ADGRA3: variants seen among roughly 807,000 people sequenced by gnomAD.
The protein encoded by ADGRA3 is adhesion G protein-coupled receptor A3.
ADGRA3 carries 56 observed loss-of-function variants against 119.8 expected under a neutral mutation model. That is an observed-to-expected ratio of 0.47 (90% CI 0.38 to 0.58). ADGRA3 has a LOEUF of 0.58. ADGRA3 is among the 20% of genes least tolerant of loss of function. The probability of loss-of-function intolerance (pLI) is 0.00; values close to 1 mark genes in which losing one functional copy is unlikely to be tolerated. For missense variants in ADGRA3, 1,516 were observed against 1,649.0 expected (o/e 0.92, Z 1.40); for synonymous variants, 607 against 623.8 (o/e 0.97, Z 0.40).
intron 1 of ADGRA3, among the ~76,000 whole-genome samples, chr4:22,489,996 G>A (rs563724252): frequency 5.3e-5 from 8 of 152,188 alleles, no homozygotes; most frequent in African/African-American, 1.7e-4. Context: ...CTCCTGAAAC[G>A]GTTCAATAAA....
intron 1 of ADGRA3, among the ~76,000 whole-genome samples, chr4:22,511,505 A>T (rs2109189278): frequency 6.6e-6 from 1 of 152,236 alleles, no homozygotes; most frequent in East Asian, 1.9e-4. Context: ...TATGATGAAG[A>T]CCAGTTCATC....
At chr4:22,502,540 G>A (rs1186841800) in intron 1 of ADGRA3, among the ~76,000 whole-genome samples, 1 of 152,186 alleles carries the variant, frequency 6.6e-6, no homozygotes, top group Non-Finnish European at 1.5e-5. Context: ...ACTTAAGAAA[G>A]AGTGGTCATT....
At chr4:22,436,105 G>A (rs987995480) in intron 9 of ADGRA3, among the ~76,000 whole-genome samples, 9 of 151,980 alleles carry the variant, frequency 5.9e-5, no homozygotes, top group African/African-American at 9.7e-5. Flanking sequence ...CTAAGCAATC[G>A]CTTTCAACAA....
intron 16 of ADGRA3, among the ~76,000 whole-genome samples, chr4:22,397,012 T>G (rs892157954): frequency 1.3e-5 from 2 of 152,086 alleles, no homozygotes; most frequent in African/African-American, 4.8e-5. Context: ...TGCTGAGTAC[T>G]CTCCTAATAG....
chr4:22,439,448 T>TA (rs1716523304), intron 7 of ADGRA3, among the ~76,000 whole-genome samples: 1 of 152,210 alleles, frequency 6.6e-6, no homozygotes, highest in Non-Finnish European at 1.5e-5. Flanking sequence ...GCGTTGCTGT[T>TA]ATGTAGACAC....
At chr4:22,507,821 G>T (rs1434548364) in intron 1 of ADGRA3, among the ~76,000 whole-genome samples, 4 of 152,178 alleles carry the variant, frequency 2.6e-5, no homozygotes, top group Non-Finnish European at 5.9e-5. Context: ...CACAGTCTAT[G>T]CGTGTGTGTT....
At chr4:22,450,889 C>T (rs1414416471) in intron 4 of ADGRA3, among the ~76,000 whole-genome samples, 2 of 145,298 alleles carry the variant, frequency 1.4e-5, no homozygotes, top group African/African-American at 2.6e-5. Flanking sequence ...AGGTACAGAG[C>T]ATTTTTAAAG....
intron 10 of ADGRA3, among the ~76,000 whole-genome samples, chr4:22,433,207 A>G (rs999353654): frequency 1.3e-5 from 2 of 152,230 alleles, no homozygotes; most frequent in African/African-American, 4.8e-5. Flanking sequence ...CGAAGATAAC[A>G]TAACTTTTCC....
chr4:22,464,376 T>C (rs1717578419), intron 2 of ADGRA3, among the ~76,000 whole-genome samples: 1 of 152,116 alleles, frequency 6.6e-6, no homozygotes, highest in Non-Finnish European at 1.5e-5. Context: ...ACGAAATACA[T>C]TTAAATGGTC....
rs1719645857 is a variant in ADGRA3 at position 22,515,793 on chromosome 4, C to A, written c.-9G>T. The A allele has an allele frequency of 3.0e-6, 3 of 999,390 alleles. No individual in the cohort carries two copies. The highest frequency in any genetic ancestry group is 3.6e-6 in the Non-Finnish European group (3 of 843,112). The allele number at this position is 999,390 out of a possible 1,614,324, so 61.9% of individuals were successfully genotyped here. On this transcript the variant is annotated 5_prime_UTR_variant, in exon 1 of 19. Coordinates refer to ENST00000334304, the MANE Select transcript of ADGRA3 (RefSeq NM_145290.4). ...CGTCCGGGTGGCTCCATGCTGCGGGCCGGGGCCTGCGGGGCGAGCGGCGGC... is the reference window on the plus strand; with the variant it reads ...CGTCCGGGTGGCTCCATGCTGCGGGACGGGGCCTGCGGGGCGAGCGGCGGC...
chr4:22,488,163 G>C (rs902484340), intron 1 of ADGRA3, among the ~76,000 whole-genome samples: 2 of 152,072 alleles, frequency 1.3e-5, no homozygotes, highest in Non-Finnish European at 2.9e-5. Context: ...GGTTTTATTG[G>C]AACCCAGCCA....
At chr4:22,424,708 T>C (rs1053248471) in intron 10 of ADGRA3, among the ~76,000 whole-genome samples, 1 of 152,234 alleles carries the variant, frequency 6.6e-6, no homozygotes, top group South Asian at 2.1e-4. Flanking sequence ...ACTGTTCATC[T>C]AGAAAACCAT....
At chr4:22,504,375 C>T (rs554292916) in intron 1 of ADGRA3, among the ~76,000 whole-genome samples, 5 of 152,264 alleles carry the variant, frequency 3.3e-5, no homozygotes, top group African/African-American at 1.2e-4. Flanking sequence ...GTTTCGCAGC[C>T]TGACAACAAA....
rs1717939254 is a variant in ADGRA3 at position 22,473,774 on chromosome 4, T to A, written c.327A>T (p.Arg109Ser). The part of the protein sequence containing the change: ...GSFSGLSLLE[R>S]LDLRNNLISS... ...GATGATAATTAAAGAATACTCACAA[T>A]CTTTCAAGGAGACTTAACCCAGAAA... The change falls in exon 2 of 19, where the codon AGA becomes AGT. Residue 109 changes from arginine (R) to serine (S), a missense_variant and splice_region_variant. By Grantham distance (110) the Arg-to-Ser change is moderately radical. Transcript: ENST00000334304. 6.4e-7 allele frequency: 1 copy of A among 1,569,944 alleles called. No homozygotes were observed. Among genetic ancestry groups the A allele is most frequent in the Non-Finnish European group, 8.7e-7 (1 of 1,146,230 alleles).
At chr4:22,401,306 C>T (rs1714628563) in intron 16 of ADGRA3, 125 bp downstream of exon 16, 4 of 804,408 alleles carry the variant, frequency 5.0e-6, no homozygotes, top group Non-Finnish European at 7.4e-6. Context: ...AAGTGACAGA[C>T]AATAAATTTA....
At chr4:22,471,519 C>CA (rs1213827791) in intron 2 of ADGRA3, among the ~76,000 whole-genome samples, 7 of 152,130 alleles carry the variant, frequency 4.6e-5, no homozygotes, top group Non-Finnish European at 8.8e-5. Flanking sequence ...GCTGCTCTCC[C>CA]ACAAAAACAG....
chr4:22,478,236 G>A (rs951127019), intron 1 of ADGRA3: 8 of 151,986 alleles, frequency 5.3e-5, no homozygotes, highest in African/African-American at 1.9e-4. Context: ...CGCTTATGCT[G>A]GAATACAAAA....
At chr4:22,462,165 C>T (rs1717489698) in intron 2 of ADGRA3, among the ~76,000 whole-genome samples, 2 of 152,164 alleles carry the variant, frequency 1.3e-5, no homozygotes, top group Non-Finnish European at 2.9e-5. Context: ...CAAAGTAAAT[C>T]TAATTACAAT....
chr4:22,405,806 C>T (rs1230846240), intron 14 of ADGRA3, among the ~76,000 whole-genome samples: 6 of 152,120 alleles, frequency 3.9e-5, no homozygotes, highest in Non-Finnish European at 5.9e-5. Context: ...GTACATATAA[C>T]GTGTAATGAC....
Sources: gnomAD v4.1 joint callset for allele counts (sites outside exome capture counted in the v4.1 genomes callset) on GRCh38, gnomAD v4.1.1 for gene constraint, MANE v1.5 for transcripts, NCBI Gene and HGNC (gene_info 2026-07-23, HGNC 2026-07-21) for gene names.